Variants in PLG observed in about 807,000 individuals in gnomAD.
PLG encodes plasminogen.
A neutral mutation model predicts 104.4 loss-of-function variants in PLG; 41 were observed. That is an observed-to-expected ratio of 0.39 (90% CI 0.31 to 0.51). PLG has a LOEUF of 0.51. PLG is among the 20% of genes least tolerant of loss of function. The pLI is 0.76. For synonymous variants in PLG, 337 were observed against 357.1 expected, an observed-to-expected ratio of 0.94 and a Z score of 0.63; for missense variants, 891 against 1,003.6, an observed-to-expected ratio of 0.89 and a Z score of 1.52.
At position 160,740,995 on chromosome 6, in the gene PLG, A is replaced by C. The variant is rs1388469089; in HGVS notation, c.2019-316A>C. On this transcript the variant is annotated intron_variant, in intron 16 of 18. Transcript: ENST00000308192. This position sits in a 1 kb window ranked among gnomAD's most constrained non-coding sequence, Gnocchi z 5.2. Reference sequence around the variant, plus strand: ...TCGATTAATGTAAAAGGACACACTCAGCATGAGATTCCAGTTGTGCACAGA... The same window carrying C: ...TCGATTAATGTAAAAGGACACACTCCGCATGAGATTCCAGTTGTGCACAGA... Among the ~76,000 whole-genome samples the C allele has an allele frequency of 6.6e-6, 1 of 152,252 alleles. No homozygotes were observed. Among genetic ancestry groups the C allele is most frequent in the Non-Finnish European group, 1.5e-5 (1 of 68,042 alleles).
chr6:160,724,246 C>T lies in PLG; in HGVS notation c.1256+1679C>T, dbSNP rs1245983686. On this transcript the variant is annotated intron_variant, in intron 10 of 18. Coordinates refer to ENST00000308192, the MANE Select transcript of PLG (RefSeq NM_000301.5). The surrounding 1 kb of genome is among the most constrained non-coding windows in gnomAD (Gnocchi z 5.0). ...AAATAAAACATGAACATGGAAGAAA[C>T]AAATGGATAATATCAAAAAAGAAAA... 2.0e-5 allele frequency among the ~76,000 whole-genome samples: 3 copies of T among 151,844 alleles called. No individual in the cohort carries two copies. Among genetic ancestry groups the T allele is most frequent in the South Asian group, 2.1e-4 (1 of 4,812 alleles).
intron 9 of PLG, among the ~76,000 whole-genome samples, chr6:160,720,364 T>C (rs947463914): frequency 2.0e-5 from 3 of 151,380 alleles, no homozygotes; most frequent in African/African-American, 7.3e-5. Flanking sequence ...AGTTCCTAGA[T>C]TTGTAGATTG....
chr6:160,707,138 C>A (rs77120139), intron 2 of PLG, among the ~76,000 whole-genome samples: 1 of 152,022 alleles, frequency 6.6e-6, no homozygotes, highest in Non-Finnish European at 1.5e-5. Context: ...GGGGAAGATG[C>A]GGCCCTGCAC....
At position 160,748,220 on chromosome 6, in the gene PLG, G is replaced by A. The variant is rs542214720; in HGVS notation, c.2126-3895G>A. ...CTCAGGAGGCTGAGGCAGGAGAATC[G>A]CTTCAACCTGGGAGGTGGAGGTTGC... On this transcript the variant is annotated intron_variant, in intron 17 of 18. Coordinates refer to ENST00000308192, the MANE Select transcript of PLG (RefSeq NM_000301.5). Among the ~76,000 whole-genome samples the A allele has an allele frequency of 1.3e-4, 20 of 151,424 alleles. No individual in the cohort carries two copies. The South Asian group carries it at 2.7e-3, about 21-fold the overall frequency.
intron 9 of PLG, among the ~76,000 whole-genome samples, chr6:160,722,157 A>G (rs1355697706): frequency 2.0e-5 from 3 of 152,218 alleles, no homozygotes; most frequent in Non-Finnish European, 2.9e-5. Flanking sequence ...AAGAGCTTGC[A>G]TGTAAGTGCA....
chr6:160,730,168 G>A lies in PLG; in HGVS notation c.1257-883G>A, dbSNP rs3798901. Among the ~76,000 whole-genome samples, 15 of 152,312 alleles carry A rather than the reference G, an allele frequency of 9.8e-5. No homozygotes were observed. The East Asian group carries it at 2.7e-3, about 27-fold the overall frequency. ...ATTCTCCAAGATCCCCCCCAGCCCG[G>A]GGTCCTCGCCTGCTTTGACTATTAC... On this transcript the variant is annotated intron_variant, in intron 10 of 18. Coordinates refer to ENST00000308192, the MANE Select transcript of PLG (RefSeq NM_000301.5).
At chr6:160,714,962 G>T (rs771913006) in intron 6 of PLG, 48 bp downstream of exon 6, 7 of 1,578,244 alleles carry the variant, frequency 4.4e-6, no homozygotes, top group Non-Finnish European at 6.1e-6. Flanking sequence ...AGGCTCTGCA[G>T]CTCTATCAGA....
At position 160,734,016 on chromosome 6, in the gene PLG, G is replaced by A. The variant is rs2040297739; in HGVS notation, c.1609G>A (p.Asp537Asn). The stretch of plus-strand genomic sequence containing the variant: ...TCAGTACTGCCGTAACCCTGATGGT[G>A]ATGTAGGTGGTCCCTGGTGCTACAC... Reference protein sequence around the residue: ...EKNYCRNPDGDVGGPWCYTTN... With the variant: ...EKNYCRNPDGNVGGPWCYTTN... The change falls in exon 13 of 19, where the codon GAT (aspartate) becomes AAT (asparagine). Residue 537 changes from aspartate to asparagine, a missense_variant. Physicochemically the swap from Asp to Asn is conservative, Grantham distance 23. This residue lies in a region of PLG where 854 missense variants were observed against 932.1 expected (regional missense o/e 0.92). Transcript: ENST00000308192. The surrounding 1 kb of genome is among the most constrained non-coding windows in gnomAD (Gnocchi z 4.4). 6.2e-7 allele frequency: 1 copy of A among 1,608,160 alleles called. No individual in the cohort carries two copies. Among genetic ancestry groups the A allele is most frequent in the Non-Finnish European group, 8.5e-7 (1 of 1,174,746 alleles).
chr6:160,731,647 A>C lies in PLG; in HGVS notation c.1439-98A>C, dbSNP rs1276977670. 8.3e-7 allele frequency: 1 copy of C among 1,204,204 alleles called. No homozygotes were observed. The highest frequency in any genetic ancestry group is 1.2e-6 in the Non-Finnish European group (1 of 809,620). The allele number at this position is 1,204,204 out of a possible 1,614,324, so 74.6% of individuals were successfully genotyped here. ...CAGTTTCTGAGGAATGTGGCCCCTGATTCTGTCATCCTAGAGAAACCTGAC... is the reference window on the plus strand; with the variant it reads ...CAGTTTCTGAGGAATGTGGCCCCTGCTTCTGTCATCCTAGAGAAACCTGAC... On this transcript the variant is annotated intron_variant, in intron 11 of 18. Coordinates refer to ENST00000308192, the MANE Select transcript of PLG (RefSeq NM_000301.5). The surrounding 1 kb of genome is among the most constrained non-coding windows in gnomAD (Gnocchi z 5.1).
At position 160,752,239 on chromosome 6, in the gene PLG, C is replaced by T. The variant is rs756267226; in HGVS notation, c.2250C>T (p.Ala750=). The change falls in exon 18 of 19, where the codon GCC becomes GCT. Residue 750 remains alanine (A), a synonymous_variant. Coordinates refer to ENST00000308192, the MANE Select transcript of PLG (RefSeq NM_000301.5). The surrounding 1 kb of genome is among the most constrained non-coding windows in gnomAD (Gnocchi z 4.7). Reference sequence around the variant, plus strand: ...CCGAACTCTGTGCTGGGCATTTGGCCGGAGGCACTGACAGTTGCCAGGTAA... The same window carrying T: ...CCGAACTCTGTGCTGGGCATTTGGCTGGAGGCACTGACAGTTGCCAGGTAA... The part of the protein sequence containing the change: ...QSTELCAGHL[A]GGTDSCQGDS... The T allele has an allele frequency of 2.7e-5, 43 of 1,613,876 alleles. No individual in the cohort carries two copies. Among genetic ancestry groups the T allele is most frequent in the Middle Eastern group, 3.3e-4 (2 of 6,084 alleles).
At chr6:160,727,915 T>C (rs938753382) in intron 10 of PLG, among the ~76,000 whole-genome samples, 16 of 151,892 alleles carry the variant, frequency 1.1e-4, no homozygotes, top group African/African-American at 3.9e-4. Context: ...TTTTACTACA[T>C]TGGTCACAAC....
intron 9 of PLG, among the ~76,000 whole-genome samples, chr6:160,720,893 C>T (rs993198664): frequency 6.6e-6 from 1 of 150,836 alleles, no homozygotes; most frequent in South Asian, 2.1e-4. Flanking sequence ...AGCTTGTTCT[C>T]TTTTTTTTTC....
rs779911364 is a variant in PLG, at chr6:160,738,586, G to A, written c.1851G>A (p.Val617=). The change falls in exon 15 of 19, where the codon GTG becomes GTA. Residue 617 remains valine, a synonymous_variant. Coordinates refer to ENST00000308192, the MANE Select transcript of PLG (RefSeq NM_000301.5). The surrounding 1 kb of genome is among the most constrained non-coding windows in gnomAD (Gnocchi z 6.8). ...CGGTLISPEW[V]LTAAHCLEKS... is the part of the protein sequence containing the mutation. ...GCACCTTGATATCCCCAGAGTGGGT[G>A]TTGACTGCTGCCCACTGCTTGGAGA... 1 of 1,609,248 alleles carries A rather than the reference G, an allele frequency of 6.2e-7. No individual in the cohort carries two copies. The highest frequency in any genetic ancestry group is 8.5e-7 in the Non-Finnish European group (1 of 1,175,482).
chr6:160,712,549 G>C lies in PLG; in HGVS notation c.408-437G>C, dbSNP rs1438486085. Among the ~76,000 whole-genome samples, 6 of 152,172 alleles carry C rather than the reference G, an allele frequency of 3.9e-5. No individual in the cohort carries two copies. In the South Asian group the frequency reaches 1.0e-3, roughly 26 times the overall value. ...GGGATAATAACACCTTCCTCAAATG[G>C]TTTTATTAGGACTAAAAGAGAGAAT... is the stretch of plus-strand genomic sequence containing the variant. On this transcript the variant is annotated intron_variant, in intron 4 of 18. Coordinates refer to ENST00000308192, the MANE Select transcript of PLG (RefSeq NM_000301.5).
At position 160,740,579 on chromosome 6, in the gene PLG, C is replaced by T. The variant is rs1286859210; in HGVS notation, c.2019-732C>T. Among the ~76,000 whole-genome samples the T allele has an allele frequency of 6.6e-6, 1 of 152,084 alleles. No individual in the cohort carries two copies. Among genetic ancestry groups the T allele is most frequent in the African/African-American group, 2.4e-5 (1 of 41,418 alleles). On this transcript the variant is annotated intron_variant, in intron 16 of 18. Transcript: ENST00000308192. The surrounding 1 kb of genome is among the most constrained non-coding windows in gnomAD (Gnocchi z 5.2). ...ATGATGCTCAGAAGCAGAAAGTGTG[C>T]CTGCTTCAAAGTTGGTGACGATGAT... is the stretch of plus-strand genomic sequence containing the variant.
At chr6:160,746,761 T>A (rs934155318) in intron 17 of PLG, among the ~76,000 whole-genome samples, 3 of 152,216 alleles carry the variant, frequency 2.0e-5, no homozygotes, top group African/African-American at 7.2e-5. Flanking sequence ...CCAATAGACT[T>A]GTTCTTTGGA....
chr6:160,705,305 G>A (rs1202225684), intron 1 of PLG: 1 of 149,924 alleles, frequency 6.7e-6, no homozygotes, highest in Non-Finnish European at 1.5e-5. Context: ...CTGTAGCCTT[G>A]TGGTGGGAGC....
intron 3 of PLG, 70 bp downstream of exon 3, chr6:160,707,876 T>C (rs1777560179): frequency 9.1e-7 from 1 of 1,099,966 alleles, no homozygotes; most frequent in Non-Finnish European, 1.4e-6. Flanking sequence ...TTCTCTATTC[T>C]ATCTTTAATT....
rs149909079 is a variant in PLG at position 160,731,075 on chromosome 6, G to A, written c.1281G>A (p.Arg427=). The A allele has an allele frequency of 4.2e-3, 6,768 of 1,613,986 alleles. 17 individuals are homozygous for A. The highest frequency in any genetic ancestry group is 4.6e-3 in the Non-Finnish European group (5,458 of 1,179,886). The change falls in exon 11 of 19, where the codon AGG becomes AGA. Residue 427 remains arginine (R), a synonymous_variant. Transcript: ENST00000308192. The surrounding 1 kb of genome is among the most constrained non-coding windows in gnomAD (Gnocchi z 5.1). ...PNAGLTMNYC[R]NPDADKGPWC... is the part of the protein sequence containing the mutation. ...GTGGCCTGACAATGAACTACTGCAG[G>A]AATCCAGATGCCGATAAAGGCCCCT...
Sources: allele counts gnomAD v4.1 joint callset (sites outside exome capture counted in the v4.1 genomes callset), GRCh38; gene constraint gnomAD v4.1.1; regional missense constraint gnomAD v4.1.1; non-coding constraint Gnocchi (gnomAD v3.1); transcripts MANE v1.5; gene names NCBI Gene and HGNC (gene_info 2026-07-23, HGNC 2026-07-21).